DNASE1: variants seen among roughly 807,000 people sequenced by gnomAD.
DNASE1 encodes the protein deoxyribonuclease 1, also known as deoxyribonuclease-1.
DNASE1 carries 40 observed loss-of-function variants against 33.9 expected under a neutral mutation model. The observed-to-expected ratio is 1.18, with a 90% CI of 0.92 to 1.54. DNASE1 has a LOEUF of 1.54. Ranked by LOEUF, DNASE1 falls within the 40% of genes most tolerant of loss-of-function variation. The pLI, the probability that DNASE1 is intolerant of heterozygous loss-of-function variation, is 0.00. For missense variants in DNASE1, 518 were observed against 372.6 expected (o/e 1.39, Z -3.21); for synonymous variants, 216 against 160.0 (o/e 1.35, Z -2.64).
chr16:3,657,181 T>C lies in DNASE1; in HGVS notation c.550-6T>C. The C allele has an allele frequency of 1.9e-6, 3 of 1,614,072 alleles. No individual in the cohort carries two copies. The highest frequency in any genetic ancestry group is 2.5e-6 in the Non-Finnish European group (3 of 1,180,010). ...TCCCAGGGCCACAGGCAGCGTTTCC[T>C]GGTAGGACGTCATGTTGATGGGCGA... On this transcript the variant is annotated splice_region_variant and splice_polypyrimidine_tract_variant and intron_variant, in intron 6 of 8. Transcript: ENST00000246949.
intron 1 of DNASE1, among the ~76,000 whole-genome samples, chr16:3,628,503 T>C (rs923456334): frequency 2.0e-5 from 3 of 152,060 alleles, no homozygotes; most frequent in Non-Finnish European, 2.9e-5. Context: ...TAGAAGAAAA[T>C]TTTTTAGTCA....
intron 1 of DNASE1, among the ~76,000 whole-genome samples, chr16:3,612,314 G>A (rs1002974503): frequency 6.6e-6 from 1 of 151,754 alleles, no homozygotes; most frequent in East Asian, 1.9e-4. Flanking sequence ...GCAGTGGCGC[G>A]ATCTCGGCTC....
At chr16:3,643,792 C>T (rs568532806) in intron 1 of DNASE1, among the ~76,000 whole-genome samples, 13 of 152,216 alleles carry the variant, frequency 8.5e-5, no homozygotes, top group Non-Finnish European at 1.6e-4. Context: ...GATGGAGTCT[C>T]GCTCTGTGGC....
Position 3,657,075 on chromosome 16 carries a change from C to A in DNASE1, c.513C>A (p.Asp171Glu). The change falls in exon 6 of 9, where the codon GAC (aspartate) becomes GAA (glutamate). Residue 171 changes from aspartate to glutamate, a missense_variant. Coordinates refer to ENST00000246949, the MANE Select transcript of DNASE1 (RefSeq NM_005223.4). The stretch of plus-strand genomic sequence containing the variant: ...TAGCCGAGATCGACGCTCTCTATGA[C>A]GTCTACCTGGATGTCCAAGAGAAAT... ...DAVAEIDALY[D>E]VYLDVQEKWG... The A allele has an allele frequency of 2.5e-6, 4 of 1,614,086 alleles. No homozygotes were observed. The highest frequency in any genetic ancestry group is 3.4e-6 in the Non-Finnish European group (4 of 1,180,016).
downstream of DNASE1, chr16:3,659,576 A>ATGAATATTATAATTTTTC (rs1332564208): frequency 6.6e-6 from 1 of 152,176 alleles, no homozygotes; most frequent in Non-Finnish European, 1.5e-5. Flanking sequence ...TAACCTTAAC[A>ATGAATATTATAATTTTTC]TGAATATTAT....
intron 1 of DNASE1, among the ~76,000 whole-genome samples, chr16:3,618,287 G>A (rs75982768): frequency 0.089 from 13,464 of 151,560 alleles, 663 homozygotes; most frequent in African/African-American, 0.13. Context: ...GAGGATGTAA[G>A]GAAGTTAGAA....
chr16:3,656,989 G>A lies in DNASE1; in HGVS notation c.437-10G>A, dbSNP rs758700874. The A allele has an allele frequency of 6.0e-5, 97 of 1,612,900 alleles. 1 individual carries two copies. The highest frequency in any genetic ancestry group is 7.9e-5 in the Non-Finnish European group (93 of 1,179,708). ...GGAGTGTGCCTCACACGACGTGGCT[G>A]TCTCCACAGAGGTCAGGGAGTTTGC... On this transcript the variant is annotated splice_polypyrimidine_tract_variant and intron_variant, in intron 5 of 8. Coordinates refer to ENST00000246949, the MANE Select transcript of DNASE1 (RefSeq NM_005223.4).
rs2042500310 is a variant in DNASE1, at chr16:3,654,958, C to G, written c.-88C>G. The stretch of plus-strand genomic sequence containing the variant: ...CATAGACTACTTTTTTTTCTTTAAG[C>G]AGCAAAAGGAGAAAATTGTCATCAA... On this transcript the variant is annotated 5_prime_UTR_variant, in exon 1 of 9. Coordinates refer to ENST00000246949, the MANE Select transcript of DNASE1 (RefSeq NM_005223.4). 4.4e-6 allele frequency: 2 copies of G among 458,056 alleles called. No homozygotes were observed. The highest frequency in any genetic ancestry group is 4.0e-5 in the African/African-American group (2 of 49,910). The allele number at this position is 458,056 out of a possible 1,614,324, so 28.4% of individuals were successfully genotyped here. A position where few individuals can be genotyped will look rare whatever the true frequency, so the allele number is the denominator to read the frequency against.
rs770093755 is a variant in DNASE1 at position 3,657,945 on chromosome 16, C to G, written c.841C>G (p.Leu281Val). 2.5e-6 allele frequency: 4 copies of G among 1,614,052 alleles called. No individual in the cohort carries two copies. The highest frequency in any genetic ancestry group is 3.4e-6 in the Non-Finnish European group (4 of 1,180,024). Residue 281 changes from leucine (L) to valine (V), a missense_variant, in exon 9 of 9, where the codon CTG becomes GTG. Coordinates refer to ENST00000246949, the MANE Select transcript of DNASE1 (RefSeq NM_005223.4). ...ISDHYPVEVM[L>V]K is the part of the protein sequence containing the mutation. ...TGACCACTATCCAGTGGAGGTGATG[C>G]TGAAGTGAGCAGCCCCTCCCCACAC...
intron 1 of DNASE1, among the ~76,000 whole-genome samples, chr16:3,621,412 C>T (rs149757350): frequency 2.5e-4 from 38 of 152,280 alleles, no homozygotes; most frequent in African/African-American, 8.9e-4. Flanking sequence ...AATACCTGTA[C>T]ATTGTTAATT....
upstream of DNASE1, among the ~76,000 whole-genome samples, chr16:3,638,848 T>G (rs2041952542): frequency 6.6e-6 from 1 of 152,238 alleles, no homozygotes; most frequent in African/African-American, 2.4e-5. Context: ...GTCTTCAAAT[T>G]CATGGATCTT....
At chr16:3,662,325 T>C (rs781310471), downstream of DNASE1, 5 of 695,804 alleles carry the variant, frequency 7.2e-6, no homozygotes, top group Non-Finnish European at 1.2e-5. Flanking sequence ...CACGCAAAGA[T>C]ACTGTGCCCG....
chr16:3,633,594 G>T (rs534242524), intron 1 of DNASE1, among the ~76,000 whole-genome samples: 1 of 150,122 alleles, frequency 6.7e-6, no homozygotes, highest in Non-Finnish European at 1.5e-5. Context: ...GTTGACAAGA[G>T]CGAGACTCCA....
In DNASE1 at chr16:3,657,945, C is replaced by A. The variant is rs770093755; in HGVS notation, c.841C>A (p.Leu281Met). The A allele has an allele frequency of 1.2e-6, 2 of 1,614,052 alleles. No homozygotes were observed. The highest frequency in any genetic ancestry group is 1.7e-6 in the Non-Finnish European group (2 of 1,180,024). ...ISDHYPVEVM[L>M]K ...TGACCACTATCCAGTGGAGGTGATGCTGAAGTGAGCAGCCCCTCCCCACAC... is the reference window on the plus strand; with the variant it reads ...TGACCACTATCCAGTGGAGGTGATGATGAAGTGAGCAGCCCCTCCCCACAC... Residue 281 changes from leucine to methionine, a missense_variant, in exon 9 of 9, where the codon CTG (leucine) becomes ATG (methionine). Coordinates refer to ENST00000246949, the MANE Select transcript of DNASE1 (RefSeq NM_005223.4).
chr16:3,653,814 A>C (rs1198838042), upstream of DNASE1: 1 of 117,944 alleles, frequency 8.5e-6, no homozygotes, highest in Non-Finnish European at 1.7e-5. Context: ...CTCAAAAAAA[A>C]AAAAAAAAAA....
rs2042078616 is a variant in DNASE1 at position 3,643,429 on chromosome 16, G to GA, written c.-86+394dup. 5.9e-5 allele frequency among the ~76,000 whole-genome samples: 9 copies of GA among 152,342 alleles called. No individual in the cohort carries two copies. In the South Asian group the frequency reaches 1.9e-3, roughly 32 times the overall value. Reference sequence around the variant, plus strand: ...AGAAATATCCCAGGCTCTCATCTGGGACCAACCCTGCCTCGCCGGGACAAG... The same window carrying GA: ...AGAAATATCCCAGGCTCTCATCTGGGAACCAACCCTGCCTCGCCGGGACAAG... On this transcript the variant is annotated intron_variant, in intron 1 of 9. Transcript: ENST00000407479.
exon 10 of DNASE1, chr16:3,664,604 G>A: frequency 3.5e-6 from 3 of 848,458 alleles, no homozygotes; most frequent in Middle Eastern, 3.3e-4. Context: ...GGACTCGGGG[G>A]TTGTCCGAGA....
chr16:3,653,861 C>G (rs2042436892), upstream of DNASE1: 1 of 136,892 alleles, frequency 7.3e-6, no homozygotes, highest in African/African-American at 2.8e-5. Flanking sequence ...GTAGCATGCA[C>G]CTGTGGTCCT....
At chr16:3,625,078 G>C (rs1057295238) in intron 1 of DNASE1, among the ~76,000 whole-genome samples, 1 of 152,052 alleles carries the variant, frequency 6.6e-6, no homozygotes, top group African/African-American at 2.4e-5. Flanking sequence ...AGGCCTAGGC[G>C]GGCGGATCAC....
Sources: gnomAD v4.1 joint callset for allele counts (sites outside exome capture counted in the v4.1 genomes callset) on GRCh38, gnomAD v4.1.1 for gene constraint, MANE v1.5 for transcripts, NCBI Gene and HGNC (gene_info 2026-07-23, HGNC 2026-07-21) for gene names.